PCNT: variants seen among roughly 807,000 people sequenced by gnomAD.
PCNT encodes pericentrin.
In PCNT, 319 loss-of-function variants were observed where a neutral mutation model predicts 380.4. The ratio of observed to expected loss-of-function variants is 0.84; its 90% CI spans 0.77 to 0.92. The LOEUF (loss-of-function observed/expected upper bound fraction) is 0.92, where lower values mean the gene tolerates loss of function less well. Ranked by LOEUF, PCNT falls within the 40% of genes least tolerant of loss-of-function variation. The pLI, the probability that PCNT is intolerant of heterozygous loss-of-function variation, is 0.00. For synonymous variants in PCNT, 1,845 were observed against 1,735.2 expected, an observed-to-expected ratio of 1.06 and a Z score of -1.57; for missense variants, 4,400 against 4,255.3, an observed-to-expected ratio of 1.03 and a Z score of -0.95.
chr21:46,401,528 TAG>T, intron 25 of PCNT, 21 bp from the exon 26 acceptor site: 2 of 1,600,360 alleles, frequency 1.2e-6, no homozygotes, highest in Non-Finnish European at 1.7e-6. Flanking sequence ...TTGCCTAAAA[TAG>T]AGTTCTTTTT....
chr21:46,398,827 T>C (rs943040019), intron 24 of PCNT, among the ~76,000 whole-genome samples: 7 of 149,182 alleles, frequency 4.7e-5, no homozygotes, highest in Non-Finnish European at 7.4e-5. Context: ...TTTCTTTTTT[T>C]TTTTTTTTTT....
intron 15 of PCNT, among the ~76,000 whole-genome samples, chr21:46,368,261 C>T (rs150805319): frequency 3.4e-4 from 52 of 152,150 alleles, no homozygotes; most frequent in East Asian, 3.1e-3. Context: ...CTGGCTAACA[C>T]GGTGAAACCC....
At chr21:46,372,628 A>G (rs1037138488) in intron 15 of PCNT, among the ~76,000 whole-genome samples, 12 of 152,360 alleles carry the variant, frequency 7.9e-5, no homozygotes, top group South Asian at 2.1e-4. Context: ...GTTTTAAACA[A>G]GGACATGCTA....
At chr21:46,420,600 G>A (rs2087211308) in intron 31 of PCNT, 2 of 152,466 alleles carry the variant, frequency 1.3e-5, no homozygotes, top group South Asian at 4.1e-4. Context: ...TGAAGGCACA[G>A]GGTCCAGTGG....
intron 40 of PCNT, 78 bp from the exon 41 acceptor site, chr21:46,438,086 A>T: frequency 8.7e-7 from 1 of 1,143,182 alleles, no homozygotes; most frequent in Non-Finnish European, 1.3e-6. Flanking sequence ...CCCTAAAAAT[A>T]ACTGTTGACA....
intron 15 of PCNT, among the ~76,000 whole-genome samples, chr21:46,371,290 A>G (rs1224454947): frequency 6.6e-6 from 1 of 150,562 alleles, no homozygotes; most frequent in Non-Finnish European, 1.5e-5. Flanking sequence ...GGCTCACTGC[A>G]ACCTCTGCCT....
At chr21:46,383,133 T>C (rs1453230282) in intron 16 of PCNT, among the ~76,000 whole-genome samples, 1 of 147,902 alleles carries the variant, frequency 6.8e-6, no homozygotes, top group African/African-American at 2.5e-5. Context: ...TGGAAGCCCA[T>C]TCACGGTGTT....
intron 19 of PCNT, 105 bp from the exon 20 acceptor site, chr21:46,390,565 T>C (rs1601935710): frequency 8.1e-7 from 1 of 1,239,642 alleles, no homozygotes; most frequent in Non-Finnish European, 1.2e-6. Context: ...GCCTGGGTGG[T>C]GACGGCCTGA....
intron 41 of PCNT, among the ~76,000 whole-genome samples, chr21:46,439,305 C>T (rs1012075709): frequency 5.9e-5 from 9 of 152,134 alleles, no homozygotes; most frequent in African/African-American, 1.9e-4. Flanking sequence ...GGAACCAGCC[C>T]GTCTGGGACC....
intron 3 of PCNT, among the ~76,000 whole-genome samples, chr21:46,339,071 C>T (rs573070647): frequency 1.2e-4 from 18 of 151,888 alleles, no homozygotes; most frequent in Admixed American, 2.6e-4. Context: ...CGTGAGCCAC[C>T]GCACCCGGCC....
intron 8 of PCNT, 36 bp downstream of exon 8, chr21:46,349,856 A>G: frequency 3.1e-6 from 5 of 1,603,736 alleles, no homozygotes; most frequent in African/African-American, 1.3e-5. Context: ...TACTTGGTAT[A>G]TTAGGGAAGT....
At chr21:46,396,377 A>G (rs544508010) in intron 21 of PCNT, among the ~76,000 whole-genome samples, 2 of 152,296 alleles carry the variant, frequency 1.3e-5, no homozygotes, top group Admixed American at 1.3e-4. Flanking sequence ...TGCACACTGT[A>G]TCCTCCGGAG....
At chr21:46,440,305 G>GGGT in intron 42 of PCNT, 103 bp downstream of exon 42, 1 of 1,207,540 alleles carries the variant, frequency 8.3e-7, no homozygotes, top group Middle Eastern at 2.0e-4. Flanking sequence ...CTCGTCTGCC[G>GGGT]GGTGTAGCAG....
chr21:46,342,487 A>G (rs1337502573), intron 3 of PCNT, among the ~76,000 whole-genome samples: 1 of 150,548 alleles, frequency 6.6e-6, no homozygotes, highest in African/African-American at 2.4e-5. Context: ...CACTGCATCC[A>G]TACCAACCTG....
At chr21:46,389,528 G>T (rs1327291003) in intron 19 of PCNT, 97 bp downstream of exon 19, 4 of 947,976 alleles carry the variant, frequency 4.2e-6, no homozygotes, top group African/African-American at 1.6e-5. Flanking sequence ...AACGACGCTC[G>T]CACGGGTTTC....
chr21:46,368,071 C>A (rs551493896), intron 15 of PCNT, among the ~76,000 whole-genome samples: 1 of 152,112 alleles, frequency 6.6e-6, no homozygotes, highest in Non-Finnish European at 1.5e-5. Context: ...AGGAGGATTG[C>A]TTGAGCCCAG....
chr21:46,417,184 C>CTTTTTTTTT lies in PCNT; in HGVS notation c.6921+362_6921+370dup, dbSNP rs71318076. 6.8e-4 allele frequency among the ~76,000 whole-genome samples: 50 copies of CTTTTTTTTT among 73,346 alleles called. 1 individual carries two copies. The highest frequency in any genetic ancestry group is 8.5e-4 in the Non-Finnish European group (34 of 40,168). 48.1% of individuals were successfully genotyped at this position (73,346 alleles called of 152,430 possible). A position where few individuals can be genotyped will look rare whatever the true frequency, so the allele number is the denominator to read the frequency against. On this transcript the variant is annotated intron_variant, in intron 30 of 46. Transcript: ENST00000359568. Reference sequence around the variant, plus strand: ...TTAGATTTATTTTTAGGAATGCTTCCTTTTTTTTTTTTTTTTTTTTTTTTT... The same window carrying CTTTTTTTTT: ...TTAGATTTATTTTTAGGAATGCTTCCTTTTTTTTTTTTTTTTTTTTTTTTTTTTTTTTTT...
chr21:46,380,801 AT>A (rs2085505183), intron 15 of PCNT, among the ~76,000 whole-genome samples: 1 of 152,074 alleles, frequency 6.6e-6, no homozygotes, highest in Non-Finnish European at 1.5e-5. Context: ...AGAGGAACAG[AT>A]TTTGGAGGTC....
At position 46,411,865 on chromosome 21, in the gene PCNT, G is replaced by C; in HGVS notation, c.5792G>C (p.Arg1931Pro). 1 of 1,564,130 alleles carries C rather than the reference G, an allele frequency of 6.4e-7. No homozygotes were observed. Among genetic ancestry groups the C allele is most frequent in the Non-Finnish European group, 8.6e-7 (1 of 1,161,812 alleles). Residue 1931 changes from arginine (R) to proline (P), a missense_variant, in exon 28 of 47, where the codon CGC becomes CCC. Physicochemically the swap from Arg to Pro is moderately radical, Grantham distance 103. Coordinates refer to ENST00000359568, the MANE Select transcript of PCNT (RefSeq NM_006031.6). ...CGAGCGCAGTGTGCCCGCCTCAGCC[G>C]CCAGCTGCAGGTGCTGCACCAGCGG... is the stretch of plus-strand genomic sequence containing the variant. ...WLRAQCARLS[R>P]QLQVLHQRFL... is the part of the protein sequence containing the mutation.
Sources: gnomAD v4.1 joint callset for allele counts (sites outside exome capture counted in the v4.1 genomes callset) on GRCh38, gnomAD v4.1.1 for gene constraint, MANE v1.5 for transcripts, NCBI Gene and HGNC (gene_info 2026-07-23, HGNC 2026-07-21) for gene names.